IGSF6: variants seen among roughly 807,000 people sequenced by gnomAD.
IGSF6 encodes the protein immunoglobulin superfamily member 6, also known as down-regulated by activation (immunoglobulin superfamily).
Under a neutral mutation model 24.7 loss-of-function variants are expected in IGSF6, and 23 were observed. That is an observed-to-expected ratio of 0.93 (90% CI 0.67 to 1.32). IGSF6 has a LOEUF of 1.32. Among genes scored for constraint, IGSF6 ranks in the 40% most tolerant of loss-of-function variants. IGSF6 has a pLI of 0.00. For missense variants in IGSF6, 295 were observed against 293.6 expected, an observed-to-expected ratio of 1.00 and a Z score of -0.04; for synonymous variants, 110 against 113.7, an observed-to-expected ratio of 0.97 and a Z score of 0.21.
At chr16:21,649,142 A>C (rs1966504166) in intron 1 of IGSF6, among the ~76,000 whole-genome samples, 1 of 152,100 alleles carries the variant, frequency 6.6e-6, no homozygotes. Flanking sequence ...GTAGGCCTGC[A>C]GCACTGTGCC....
At chr16:21,644,520 C>A in intron 2 of IGSF6, 124 bp from the exon 3 acceptor site, 1 of 632,792 alleles carries the variant, frequency 1.6e-6, no homozygotes. Flanking sequence ...CTTGCCTATT[C>A]GTATAAAAAC....
Position 21,647,373 on chromosome 16 carries a change from G to T in IGSF6, c.187C>A (p.Pro63Thr), listed in dbSNP as rs1966457749. ...FSATGCPSEQ[P>T]TCLWFRYGAH... Reference sequence around the variant, plus strand: ...CCGTAGCGAAACCACAGGCATGTTGGTTGCTCAGAAGGGCATCCGGTTGCG... The same window carrying T: ...CCGTAGCGAAACCACAGGCATGTTGTTTGCTCAGAAGGGCATCCGGTTGCG... Residue 63 changes from proline to threonine, a missense_variant, in exon 2 of 6, where the codon CCA (proline) becomes ACA (threonine). Coordinates refer to ENST00000268389, the MANE Select transcript of IGSF6 (RefSeq NM_005849.4). 1 of 1,614,020 alleles carries T rather than the reference G, an allele frequency of 6.2e-7. No individual in the cohort carries two copies. The highest frequency in any genetic ancestry group is 1.1e-5 in the South Asian group (1 of 91,090).
intron 2 of IGSF6, among the ~76,000 whole-genome samples, chr16:21,644,904 G>A (rs139293772): frequency 3.9e-5 from 6 of 152,298 alleles, no homozygotes; most frequent in African/African-American, 7.2e-5. Context: ...ATTGAGGAGC[G>A]CAGTGCTCAC....
Position 21,651,321 on chromosome 16 carries a change from G to GTCTTGC in IGSF6, c.67+1205_67+1210dup, listed in dbSNP as rs1421743347. Among the ~76,000 whole-genome samples, 9 of 151,880 alleles carry GTCTTGC rather than the reference G, an allele frequency of 5.9e-5. No individual in the cohort carries two copies. The East Asian group carries it at 9.7e-4, about 16-fold the overall frequency. On this transcript the variant is annotated intron_variant, in intron 1 of 5. Transcript: ENST00000268389. Reference sequence around the variant, plus strand: ...TCTAGTAAGTAAGAAGTAAGTAAATGTCTTGCTCTGTTGCCCAGGCTGGAG... The same window carrying GTCTTGC: ...TCTAGTAAGTAAGAAGTAAGTAAATGTCTTGCTCTTGCTCTGTTGCCCAGGCTGGAG...
intron 2 of IGSF6, among the ~76,000 whole-genome samples, chr16:21,644,760 C>CCAGTA (rs1454923698): frequency 6.6e-6 from 1 of 152,148 alleles, no homozygotes; most frequent in African/African-American, 2.4e-5. Context: ...AAACGGTTTA[C>CCAGTA]CAGTATCATC....
intron 1 of IGSF6, among the ~76,000 whole-genome samples, chr16:21,649,813 A>G (rs749144112): frequency 3.3e-5 from 5 of 152,074 alleles, no homozygotes; most frequent in East Asian, 1.9e-4. Context: ...GGCTCAAGCA[A>G]TCCTCTCACT....
chr16:21,641,577 GTGT>G lies in IGSF6; in HGVS notation c.680_682del (p.Asn227del), dbSNP rs562061536. The G allele has an allele frequency of 4.7e-5, 74 of 1,585,950 alleles. No homozygotes were observed. The highest frequency in any genetic ancestry group is 5.8e-5 in the Non-Finnish European group (67 of 1,157,412). On this transcript the variant is annotated inframe_deletion, in exon 6 of 6. Transcript: ENST00000268389. ...GGAAAGTACTCTTCTGTTTTCATAA[GTGT>G]TGTTATCTTTCTCCTGCAATAATAA...
At chr16:21,645,640 T>C (rs561904192) in intron 2 of IGSF6, among the ~76,000 whole-genome samples, 3 of 152,208 alleles carry the variant, frequency 2.0e-5, no homozygotes, top group Non-Finnish European at 4.4e-5. Context: ...CTTAACACTT[T>C]CAATTCTGCC....
chr16:21,647,782 T>G (rs1406844576), intron 1 of IGSF6, among the ~76,000 whole-genome samples: 2 of 152,100 alleles, frequency 1.3e-5, no homozygotes, highest in Non-Finnish European at 2.9e-5. Context: ...GGCACCGTAT[T>G]GGACTCAGAA....
chr16:21,644,251 A>G, intron 3 of IGSF6, 39 bp downstream of exon 3: 1 of 1,338,570 alleles, frequency 7.5e-7, no homozygotes, highest in Non-Finnish European at 1.1e-6. Flanking sequence ...ATAATATTCA[A>G]GGATATAGGG....
intron 1 of IGSF6, among the ~76,000 whole-genome samples, chr16:21,647,786 C>T (rs570645525): frequency 1.3e-5 from 2 of 152,226 alleles, no homozygotes; most frequent in Admixed American, 6.5e-5. Flanking sequence ...CCGTATTGGA[C>T]TCAGAAGTTT....
chr16:21,651,081 G>GGC (rs1177515389), intron 1 of IGSF6, among the ~76,000 whole-genome samples: 1 of 152,054 alleles, frequency 6.6e-6, no homozygotes, highest in African/African-American at 2.4e-5. Flanking sequence ...AAATTAGCCG[G>GGC]GTGTGGTGGC....
chr16:21,645,255 C>T (rs768900190), intron 2 of IGSF6, among the ~76,000 whole-genome samples: 1 of 152,142 alleles, frequency 6.6e-6, no homozygotes, highest in Non-Finnish European at 1.5e-5. Context: ...GAGTTTGACA[C>T]CAGCCTGGCC....
At chr16:21,643,243 C>G (rs1244677690) in intron 4 of IGSF6, 89 bp from the exon 5 acceptor site, 1 of 951,704 alleles carries the variant, frequency 1.1e-6, no homozygotes, top group Non-Finnish European at 1.7e-6. Flanking sequence ...TGCTCTATTG[C>G]CACCGGTCCC....
intron 2 of IGSF6, 69 bp from the exon 3 acceptor site, chr16:21,644,465 T>G: frequency 4.6e-6 from 5 of 1,088,454 alleles, no homozygotes; most frequent in Non-Finnish European, 7.0e-6. Context: ...ATGTGTAAAG[T>G]ATCCTTCACA....
intron 2 of IGSF6, 156 bp downstream of exon 2, chr16:21,646,977 A>G: frequency 9.9e-7 from 1 of 1,007,694 alleles, no homozygotes. Context: ...CTTTAGTCCA[A>G]ACCTCATGGT....
chr16:21,652,590 AG>A lies in IGSF6; in HGVS notation c.8del (p.Thr3MetfsTer36). MG[T>X]ASRSNIARHL... ...GGCGAGCGATGTTGCTTCTGCTCGC[AG>A]TCCCCATTTCTGTGTATGCCGGGGC... On this transcript the variant is annotated frameshift_variant, in exon 1 of 6. Coordinates refer to ENST00000268389, the MANE Select transcript of IGSF6 (RefSeq NM_005849.4). LOFTEE classifies it high-confidence loss of function. 2 of 1,610,550 alleles carry A rather than the reference AG, an allele frequency of 1.2e-6. No homozygotes were observed. The highest frequency in any genetic ancestry group is 1.7e-6 in the Non-Finnish European group (2 of 1,178,286).
At chr16:21,650,773 G>C (rs1437262605) in intron 1 of IGSF6, among the ~76,000 whole-genome samples, 1 of 152,078 alleles carries the variant, frequency 6.6e-6, no homozygotes, top group African/African-American at 2.4e-5. Context: ...AAAAAGAGAA[G>C]TTTGGATATG....
At chr16:21,642,413 A>T (rs2141611343) in intron 5 of IGSF6, 1 of 152,350 alleles carries the variant, frequency 6.6e-6, no homozygotes, top group Admixed American at 6.5e-5. Flanking sequence ...AAAAATAAAT[A>T]AAAATAAATT....
Sources: gnomAD v4.1 joint callset for allele counts (sites outside exome capture counted in the v4.1 genomes callset) on GRCh38, gnomAD v4.1.1 for gene constraint, MANE v1.5 for transcripts, NCBI Gene and HGNC (gene_info 2026-07-23, HGNC 2026-07-21) for gene names.